XRRA1: variants seen among roughly 807,000 people sequenced by gnomAD.
The protein encoded by XRRA1 is X-ray radiation resistance-associated protein 1.
A neutral mutation model predicts 80.2 loss-of-function variants in XRRA1; 69 were observed. The ratio of observed to expected loss-of-function variants is 0.86; its 90% CI spans 0.71 to 1.05. The LOEUF (loss-of-function observed/expected upper bound fraction) is 1.05. XRRA1 is among the 50% of genes least tolerant of loss of function. XRRA1 has a pLI of 0.00. For synonymous variants in XRRA1, 348 were observed against 389.9 expected (o/e 0.89, Z 1.27); for missense variants, 967 against 976.4 (o/e 0.99, Z 0.13).
chr11:74,847,881 C>T (rs2038714928), intron 15 of XRRA1, among the ~76,000 whole-genome samples: 1 of 152,204 alleles, frequency 6.6e-6, no homozygotes, highest in Admixed American at 6.5e-5. Context: ...TTGACTGTGC[C>T]ACAGAACCAT....
At position 74,859,283 on chromosome 11, in the gene XRRA1, TCTTAGAAA is replaced by T; in HGVS notation, c.1045-8_1045-1del. The T allele has an allele frequency of 6.2e-7, 1 of 1,602,864 alleles. No individual in the cohort carries two copies. The highest frequency in any genetic ancestry group is 1.1e-5 in the South Asian group (1 of 88,590). ...GGAGGAAGTGAACATATCTTGGTTG[TCTTAGAAA>T]GAAGGAAAAGTCAAAATCAAAGTGC... On this transcript the variant is annotated splice_acceptor_variant and splice_polypyrimidine_tract_variant and intron_variant, in intron 11 of 18. Transcript: ENST00000684022. LOFTEE classifies it high-confidence loss of function.
At chr11:74,891,137 T>G (rs1414875036) in intron 10 of XRRA1, among the ~76,000 whole-genome samples, 3 of 152,120 alleles carry the variant, frequency 2.0e-5, no homozygotes, top group African/African-American at 7.2e-5. Context: ...TGATGAACAT[T>G]GATGCAAAAA....
chr11:74,859,144 G>T lies in XRRA1; in HGVS notation c.1170+14C>A. ...CTGTGCCCCTGAGTAAACAGGAGAG[G>T]AGCAGAAAGTCACCTTGTTGTAGGC... On this transcript the variant is annotated intron_variant, in intron 12 of 18. Transcript: ENST00000684022. 1 of 1,588,312 alleles carries T rather than the reference G, an allele frequency of 6.3e-7. No homozygotes were observed. Among genetic ancestry groups the T allele is most frequent in the South Asian group, 1.2e-5 (1 of 86,320 alleles).
chr11:74,871,739 G>A (rs1317356903), intron 10 of XRRA1, among the ~76,000 whole-genome samples: 2 of 152,162 alleles, frequency 1.3e-5, no homozygotes, highest in Non-Finnish European at 2.9e-5. Flanking sequence ...ACCAATGGAG[G>A]TGATGCCACT....
Position 74,844,217 on chromosome 11 carries a change from T to C in XRRA1, c.1994A>G (p.Lys665Arg), listed in dbSNP as rs916445271. Reference protein sequence around the residue: ...LKHPLLCHSSKPKLDTLQKPY... With the variant: ...LKHPLLCHSSRPKLDTLQKPY... The stretch of plus-strand genomic sequence containing the variant: ...TTTCTGAAGAGTGTCCAGCTTGGGC[T>C]TGGAGGAGTGGCACAGGAGTGGGTG... Residue 665 changes from lysine to arginine, a missense_variant, in exon 17 of 19, where the codon AAG (lysine) becomes AGG (arginine). Coordinates refer to ENST00000684022, the MANE Select transcript of XRRA1 (RefSeq NM_001378157.1). 4 of 1,613,898 alleles carry C rather than the reference T, an allele frequency of 2.5e-6. No individual in the cohort carries two copies. The highest frequency in any genetic ancestry group is 1.7e-6 in the Non-Finnish European group (2 of 1,179,872).
chr11:74,884,353 G>A (rs1458831676), intron 10 of XRRA1, among the ~76,000 whole-genome samples: 1 of 152,170 alleles, frequency 6.6e-6, no homozygotes, highest in Non-Finnish European at 1.5e-5. Flanking sequence ...CACATGTACA[G>A]TAAAGGAATG....
rs143946484 is a variant in XRRA1, at chr11:74,865,156, G to A, written c.1004-2135C>T. On this transcript the variant is annotated intron_variant, in intron 10 of 18. Transcript: ENST00000684022. ...CCATATCAAATCCCAGCGGGGCCCA[G>A]TGTCAGCCCTGGCCCCTCCTGCTGC... Among the ~76,000 whole-genome samples the A allele has an allele frequency of 5.3e-5, 8 of 152,032 alleles. No homozygotes were observed. In the East Asian group the frequency reaches 1.6e-3, roughly 30 times the overall value.
intron 10 of XRRA1, among the ~76,000 whole-genome samples, chr11:74,896,178 G>A (rs1034924556): frequency 6.6e-6 from 1 of 152,242 alleles, no homozygotes; most frequent in African/African-American, 2.4e-5. Context: ...TTGCACCATT[G>A]GCACTGGCTC....
chr11:74,844,984 A>G, intron 16 of XRRA1, 89 bp downstream of exon 16: 1 of 1,362,528 alleles, frequency 7.3e-7, no homozygotes, highest in Non-Finnish European at 1.0e-6. Context: ...GGGAAAAGAC[A>G]GCTTGGTGCC....
At chr11:74,851,910 A>G in intron 13 of XRRA1, 79 bp downstream of exon 13, 1 of 1,218,358 alleles carries the variant, frequency 8.2e-7, no homozygotes, top group South Asian at 1.2e-5. Flanking sequence ...AGGGCTTGGC[A>G]TTGATGAGGT....
At chr11:74,851,344 A>C in intron 13 of XRRA1, 141 bp from the exon 14 acceptor site, 1 of 544,870 alleles carries the variant, frequency 1.8e-6, no homozygotes, top group Non-Finnish European at 3.2e-6. Flanking sequence ...GAGAATTCCT[A>C]CCTCCTAGGA....
intron 10 of XRRA1, among the ~76,000 whole-genome samples, chr11:74,885,860 C>T (rs1037438684): frequency 7.9e-5 from 12 of 152,150 alleles, no homozygotes; most frequent in Admixed American, 7.2e-4. Flanking sequence ...AAAAGTTTAT[C>T]CACCATGATC....
intron 10 of XRRA1, among the ~76,000 whole-genome samples, chr11:74,905,540 T>A (rs192752782): frequency 6.6e-6 from 1 of 152,234 alleles, no homozygotes; most frequent in Non-Finnish European, 1.5e-5. Flanking sequence ...TATCTCTTCC[T>A]ATCTGCTTCC....
chr11:74,919,655 A>C (rs1940023910), intron 8 of XRRA1: 1 of 556,528 alleles, frequency 1.8e-6, no homozygotes, highest in East Asian at 4.8e-5. Flanking sequence ...TGGTGACCCG[A>C]GAATACACCA....
intron 10 of XRRA1, among the ~76,000 whole-genome samples, chr11:74,901,051 AC>A (rs1231646465): frequency 1.3e-5 from 2 of 152,186 alleles, no homozygotes; most frequent in Non-Finnish European, 2.9e-5. Flanking sequence ...TATTGGAAAA[AC>A]CTAAAGACTC....
intron 10 of XRRA1, among the ~76,000 whole-genome samples, chr11:74,866,892 G>C (rs185770538): frequency 2.6e-4 from 39 of 152,170 alleles, no homozygotes; most frequent in Non-Finnish European, 4.7e-4. Flanking sequence ...TAAAGTTAAA[G>C]AGGGATATGA....
chr11:74,880,533 A>G (rs1232209419), intron 10 of XRRA1, among the ~76,000 whole-genome samples: 1 of 148,438 alleles, frequency 6.7e-6, no homozygotes, highest in Non-Finnish European at 1.5e-5. Flanking sequence ...TTGCTTTTCT[A>G]GTTCTTTTAA....
intron 8 of XRRA1, among the ~76,000 whole-genome samples, chr11:74,912,229 C>G (rs1246673907): frequency 6.6e-6 from 1 of 152,194 alleles, no homozygotes; most frequent in Non-Finnish European, 1.5e-5. Flanking sequence ...GGGACCAACT[C>G]TTCCCTGAGT....
At chr11:74,883,536 C>T (rs192837623) in intron 10 of XRRA1, among the ~76,000 whole-genome samples, 10 of 151,362 alleles carry the variant, frequency 6.6e-5, no homozygotes, top group South Asian at 2.1e-4. Flanking sequence ...TGGCTCCCAG[C>T]GGGATTCTTA....
Sources: gnomAD v4.1 joint callset for allele counts (sites outside exome capture counted in the v4.1 genomes callset) on GRCh38, gnomAD v4.1.1 for gene constraint, MANE v1.5 for transcripts, NCBI Gene and HGNC (gene_info 2026-07-23, HGNC 2026-07-21) for gene names.